The following FMNL3 variants were observed in gnomAD, a reference collection of about 807,000 sequenced individuals.
FMNL3 encodes formin-like protein 3.
A neutral mutation model predicts 119.6 loss-of-function variants in FMNL3; 57 were observed. That is an observed-to-expected ratio of 0.48 (90% confidence interval 0.39 to 0.59). FMNL3 has a LOEUF of 0.59. Ranked by LOEUF, FMNL3 falls within the 20% of genes least tolerant of loss-of-function variation. The probability of loss-of-function intolerance (pLI) is 0.00; values close to 1 mark genes in which losing one functional copy is unlikely to be tolerated. For missense variants in FMNL3, 1,053 were observed against 1,323.5 expected, an observed-to-expected ratio of 0.80 and a Z score of 3.17; for synonymous variants, 491 against 507.3, an observed-to-expected ratio of 0.97 and a Z score of 0.43.
In FMNL3 at chr12:49,654,780, C is replaced by A. The variant is rs540882860; in HGVS notation, c.960+130G>T. On this transcript the variant is annotated intron_variant, in intron 10 of 25. Transcript: ENST00000335154. ...CTGGGGTAGGCAGGTGGACAAGAAGCATTTGCTGAATAGAATCATTCTGGG... is the reference window on the plus strand; with the variant it reads ...CTGGGGTAGGCAGGTGGACAAGAAGAATTTGCTGAATAGAATCATTCTGGG... 6 of 866,588 alleles carry A rather than the reference C, an allele frequency of 6.9e-6. No homozygotes were observed. In the African/African-American group the frequency reaches 1.0e-4, roughly 15 times the overall value. The allele number at this position is 866,588 out of a possible 1,614,324, so 53.7% of individuals were successfully genotyped here.
intron 17 of FMNL3, among the ~76,000 whole-genome samples, chr12:49,650,173 A>G (rs1943351897): frequency 1.3e-5 from 2 of 152,182 alleles, no homozygotes; most frequent in Admixed American, 6.5e-5. Flanking sequence ...ACACCTGAGC[A>G]TGGCTTACGA....
intron 1 of FMNL3, among the ~76,000 whole-genome samples, chr12:49,671,499 A>C (rs1944044959): frequency 6.6e-6 from 1 of 152,246 alleles, no homozygotes; most frequent in African/African-American, 2.4e-5. Context: ...CTCAGAAGAA[A>C]CGGGTCACTG....
Position 49,643,683 on chromosome 12 carries a change from A to C in FMNL3, c.*2132T>G, listed in dbSNP as rs375334697. 1.1e-5 allele frequency: 18 copies of C among 1,612,612 alleles called. No individual in the cohort carries two copies. In the East Asian group the frequency reaches 2.7e-4, roughly 24 times the overall value. On this transcript the variant is annotated 3_prime_UTR_variant, in exon 26 of 26. Coordinates refer to ENST00000335154, the MANE Select transcript of FMNL3 (RefSeq NM_175736.5). ...GTTGGGACTTAGTAGGGATTTTTCT[A>C]TCTCTAGATCATGGCCTTCGGAAAG... is the stretch of plus-strand genomic sequence containing the variant.
intron 2 of FMNL3, among the ~76,000 whole-genome samples, chr12:49,667,980 A>G (rs1165635505): frequency 1.3e-5 from 2 of 152,184 alleles, no homozygotes; most frequent in Admixed American, 6.5e-5. Flanking sequence ...AATGATTTCT[A>G]TTCTCTTCCA....
chr12:49,649,627 GTGACTAGCAGA>G lies in FMNL3; in HGVS notation c.2235+53_2235+63del, dbSNP rs1943331361. On this transcript the variant is annotated intron_variant, in intron 18 of 25. Coordinates refer to ENST00000335154, the MANE Select transcript of FMNL3 (RefSeq NM_175736.5). The surrounding 1 kb of genome is among the most constrained non-coding windows in gnomAD (Gnocchi z 5.6). ...CAGAAGGACTGGAAGGGCAGGGGAG[GTGACTAGCAGA>G]TGGAGGGTGGAGGGACAGCTGTCCA... 11 of 1,610,732 alleles carry G rather than the reference GTGACTAGCAGA, an allele frequency of 6.8e-6. No individual in the cohort carries two copies. The South Asian group carries it at 1.1e-4, about 16-fold the overall frequency.
At chr12:49,668,310 T>TA (rs2138863988) in intron 2 of FMNL3, among the ~76,000 whole-genome samples, 161 bp downstream of exon 2, 1 of 152,336 alleles carries the variant, frequency 6.6e-6, no homozygotes, top group Non-Finnish European at 1.5e-5. Flanking sequence ...CTGTCTCTGT[T>TA]ATGAGAATCC....
Position 49,645,646 on chromosome 12 carries a change from A to G in FMNL3, c.*169T>C, listed in dbSNP as rs538385011. On this transcript the variant is annotated 3_prime_UTR_variant, in exon 26 of 26. Transcript: ENST00000335154. ...AGTACTGGAAGCACCAGGGACCTACAGACCTAGTGCCCATAGTGGCACAAG... is the reference window on the plus strand; with the variant it reads ...AGTACTGGAAGCACCAGGGACCTACGGACCTAGTGCCCATAGTGGCACAAG... 6.7e-5 allele frequency: 39 copies of G among 584,192 alleles called. No homozygotes were observed. In the African/African-American group the frequency reaches 7.2e-4, roughly 11 times the overall value. The allele number at this position is 584,192 out of a possible 1,614,324, so 36.2% of individuals were successfully genotyped here.
chr12:49,706,101 G>A (rs1434067890), intron 1 of FMNL3, among the ~76,000 whole-genome samples: 2 of 152,078 alleles, frequency 1.3e-5, no homozygotes, highest in Admixed American at 1.3e-4. Flanking sequence ...GATTAACCCC[G>A]GTTTACCAAT....
chr12:49,637,465 C>T lies in FMNL3; in HGVS notation c.*8350G>A. 6.2e-7 allele frequency: 1 copy of T among 1,611,030 alleles called. No individual in the cohort carries two copies. The highest frequency in any genetic ancestry group is 1.1e-5 in the South Asian group (1 of 91,036). On this transcript the variant is annotated 3_prime_UTR_variant, in exon 26 of 26. Transcript: ENST00000335154. ...TCTCCCTATAACTGGCCTCTCCCTG[C>T]TCAGACCTTCCTGGACGAGCTGCAT...
At chr12:49,693,635 GGTTTTTTTTTTTTTTTT>G (rs1425800222) in intron 1 of FMNL3, among the ~76,000 whole-genome samples, 4 of 21,216 alleles carry the variant, frequency 1.9e-4, no homozygotes, top group Non-Finnish European at 3.5e-4. Flanking sequence ...TCCCAATCTT[GGTTTTTTTTTTTTTTTT>G]TTTTTTTTTT....
rs1307792678 is a variant in FMNL3 at position 49,649,906 on chromosome 12, G to A, written c.2020C>T (p.Pro674Ser). Reference sequence around the variant, plus strand: ...ATCAGGCACTCCACGAAGTCCACAGGTAGTGTCTGCAAGTCAAACCTGTGG... The same window carrying A: ...ATCAGGCACTCCACGAAGTCCACAGATAGTGTCTGCAAGTCAAACCTGTGG... The part of the protein sequence containing the change: ...AIHTFDLQTL[P>S]VDFVECLMRF... Residue 674 changes from proline to serine, a missense_variant, in exon 18 of 26, where the codon CCT becomes TCT. Around this residue, in one of 4 missense-constraint regions of FMNL3, gnomAD observed 445 missense variants for 628.4 expected, o/e 0.71. Coordinates refer to ENST00000335154, the MANE Select transcript of FMNL3 (RefSeq NM_175736.5). This position sits in a 1 kb window ranked among gnomAD's most constrained non-coding sequence, Gnocchi z 5.6. The A allele has an allele frequency of 6.2e-7, 1 of 1,613,848 alleles. No individual in the cohort carries two copies. The highest frequency in any genetic ancestry group is 1.1e-5 in the South Asian group (1 of 91,080).
chr12:49,648,491 T>A, intron 21 of FMNL3, 138 bp from the exon 22 acceptor site: 1 of 866,940 alleles, frequency 1.2e-6, no homozygotes, highest in Non-Finnish European at 1.7e-6. Context: ...CATAAGGAAG[T>A]ACACACCAAG....
chr12:49,702,911 C>G (rs1944948098), intron 1 of FMNL3, among the ~76,000 whole-genome samples: 1 of 152,208 alleles, frequency 6.6e-6, no homozygotes, highest in Non-Finnish European at 1.5e-5. Flanking sequence ...CAGCCCATTT[C>G]TGTGTCAAAG....
In FMNL3 at chr12:49,642,919, G is replaced by C; in HGVS notation, c.*2896C>G. 1.2e-6 allele frequency: 2 copies of C among 1,611,076 alleles called. No homozygotes were observed. The highest frequency in any genetic ancestry group is 1.7e-6 in the Non-Finnish European group (2 of 1,178,410). On this transcript the variant is annotated 3_prime_UTR_variant, in exon 26 of 26. Coordinates refer to ENST00000335154, the MANE Select transcript of FMNL3 (RefSeq NM_175736.5). This position sits in a 1 kb window ranked among gnomAD's most constrained non-coding sequence, Gnocchi z 5.8. Reference sequence around the variant, plus strand: ...GTGCTGTCCTCACCCTTCTTCCTCTGCCTCTAGCAGACTGAATGCCAGCAC... The same window carrying C: ...GTGCTGTCCTCACCCTTCTTCCTCTCCCTCTAGCAGACTGAATGCCAGCAC...
intron 9 of FMNL3, 21 bp downstream of exon 9, chr12:49,656,383 A>ACG (rs1565872910): frequency 1.2e-6 from 2 of 1,600,432 alleles, no homozygotes; most frequent in Non-Finnish European, 1.7e-6. Context: ...ACACACACAC[A>ACG]CGCGAAGCGA....
chr12:49,677,844 G>A (rs1944231978), intron 1 of FMNL3, among the ~76,000 whole-genome samples: 1 of 152,148 alleles, frequency 6.6e-6, no homozygotes, highest in Admixed American at 6.5e-5. Context: ...CTTCCTGAAA[G>A]AAATGTCACA....
intron 1 of FMNL3, among the ~76,000 whole-genome samples, chr12:49,703,337 T>C (rs1487179745): frequency 6.6e-6 from 1 of 152,156 alleles, no homozygotes; most frequent in East Asian, 1.9e-4. Flanking sequence ...CAAAACACAC[T>C]GGGACTGTAT....
intron 1 of FMNL3, among the ~76,000 whole-genome samples, chr12:49,681,012 T>C (rs1335363539): frequency 6.6e-6 from 1 of 152,250 alleles, no homozygotes; most frequent in Non-Finnish European, 1.5e-5. Context: ...CTGGCTTTGG[T>C]TGATCATTAC....
intron 1 of FMNL3, among the ~76,000 whole-genome samples, chr12:49,671,766 AG>A: frequency 6.6e-6 from 1 of 152,276 alleles, no homozygotes; most frequent in South Asian, 2.1e-4. Context: ...TTTTTTCTTC[AG>A]TGGTTCCACA....
Sources: gnomAD v4.1 joint callset for allele counts (sites outside exome capture counted in the v4.1 genomes callset) on GRCh38, gnomAD v4.1.1 for gene constraint, gnomAD v4.1.1 regional missense constraint, Gnocchi (gnomAD v3.1) non-coding constraint, MANE v1.5 for transcripts, NCBI Gene and HGNC (gene_info 2026-07-23, HGNC 2026-07-21) for gene names.